Variants in DOCK3 observed in about 807,000 individuals in gnomAD.
DOCK3 encodes the protein dedicator of cytokinesis 3.
A neutral mutation model predicts 265.6 loss-of-function variants in DOCK3; 60 were observed. The observed-to-expected ratio is 0.23, with a 90% CI of 0.18 to 0.28. The LOEUF is 0.28. Among genes scored for constraint, DOCK3 ranks in the 10% least tolerant of loss-of-function variants. DOCK3 has a pLI of 1.00. For synonymous variants in DOCK3, 881 were observed against 938.0 expected (o/e 0.94, Z 1.11); for missense variants, 1,981 against 2,594.3 (o/e 0.76, Z 5.14).
intron 3 of DOCK3, among the ~76,000 whole-genome samples, chr3:50,882,830 C>A (rs937185193): frequency 1.3e-5 from 2 of 152,144 alleles, no homozygotes; most frequent in Non-Finnish European, 2.9e-5. Flanking sequence ...ATGTTTATTG[C>A]AGCACTATTC....
chr3:50,972,657 A>G (rs1188618637), intron 5 of DOCK3, among the ~76,000 whole-genome samples: 1 of 152,208 alleles, frequency 6.6e-6, no homozygotes, highest in East Asian at 1.9e-4. Flanking sequence ...GCCTGCTGCA[A>G]TTCATGTGGG....
At chr3:50,691,757 A>G (rs1395746815) in intron 1 of DOCK3, among the ~76,000 whole-genome samples, 1 of 152,190 alleles carries the variant, frequency 6.6e-6, no homozygotes, top group Non-Finnish European at 1.5e-5. Context: ...AGCCTTTCAA[A>G]TAGATGTGAA....
chr3:50,872,698 T>C (rs530499120), intron 3 of DOCK3, among the ~76,000 whole-genome samples: 1 of 152,308 alleles, frequency 6.6e-6, no homozygotes, highest in South Asian at 2.1e-4. Context: ...TCAAAAACCT[T>C]AGAAGTCTAC....
intron 1 of DOCK3, among the ~76,000 whole-genome samples, chr3:50,755,066 AT>A (rs1478658389): frequency 6.6e-6 from 1 of 152,212 alleles, no homozygotes; most frequent in Non-Finnish European, 1.5e-5. Flanking sequence ...GGCAGTTCTC[AT>A]TCAGAAAAAT....
rs575971147 is a variant in DOCK3, at chr3:51,155,619, G to C, written c.829-3625G>C. 3.9e-5 allele frequency among the ~76,000 whole-genome samples: 6 copies of C among 152,326 alleles called. No homozygotes were observed. In the East Asian group the frequency reaches 1.2e-3, roughly 29 times the overall value. On this transcript the variant is annotated intron_variant, in intron 10 of 52. Transcript: ENST00000266037. ...TTACGAGGTTACTCAGCACACTTCA[G>C]AGCCACATTAAAGTCACATTATTTG...
At chr3:51,157,335 TCCCAGGTTCA>T (rs1384554152) in intron 10 of DOCK3, among the ~76,000 whole-genome samples, 1 of 152,072 alleles carries the variant, frequency 6.6e-6, no homozygotes, top group Non-Finnish European at 1.5e-5. Flanking sequence ...AGCCTCCACC[TCCCAGGTTCA>T]AGCCATTCTC....
intron 5 of DOCK3, among the ~76,000 whole-genome samples, chr3:50,986,180 G>C (rs1286433045): frequency 6.6e-6 from 1 of 152,064 alleles, no homozygotes. Flanking sequence ...AAGAATACAA[G>C]ATAAATGACC....
chr3:51,240,306 G>T (rs1222349539), intron 21 of DOCK3, among the ~76,000 whole-genome samples: 1 of 152,182 alleles, frequency 6.6e-6, no homozygotes, highest in East Asian at 1.9e-4. Context: ...TGTGGTCTGA[G>T]AGAGTATGAT....
chr3:50,814,572 C>G lies in DOCK3; in HGVS notation c.122-27103C>G, dbSNP rs760553083. ...ATGAGCCACCGCACCTGGCCTGGTA[C>G]AATATTATGAACTTAACCATAGATT... is the stretch of plus-strand genomic sequence containing the variant. On this transcript the variant is annotated intron_variant, in intron 2 of 52. Coordinates refer to ENST00000266037, the MANE Select transcript of DOCK3 (RefSeq NM_004947.5). Among the ~76,000 whole-genome samples the G allele has an allele frequency of 2.6e-5, 4 of 152,038 alleles. No homozygotes were observed. In the South Asian group the frequency reaches 8.3e-4, roughly 32 times the overall value.
intron 3 of DOCK3, among the ~76,000 whole-genome samples, chr3:50,866,330 C>T (rs750398453): frequency 2.6e-5 from 4 of 151,936 alleles, no homozygotes; most frequent in Non-Finnish European, 4.4e-5. Flanking sequence ...ACTAAAAATA[C>T]GAAAATTAGC....
At chr3:50,980,630 C>G (rs2077655681) in intron 5 of DOCK3, among the ~76,000 whole-genome samples, 1 of 152,000 alleles carries the variant, frequency 6.6e-6, no homozygotes, top group African/African-American at 2.4e-5. Flanking sequence ...TTGATTCAGT[C>G]TTATTACTTG....
intron 7 of DOCK3, among the ~76,000 whole-genome samples, chr3:51,087,872 T>A (rs914912584): frequency 6.6e-6 from 1 of 152,096 alleles, no homozygotes; most frequent in Non-Finnish European, 1.5e-5. Flanking sequence ...AGAACCACCA[T>A]TTGATCCAGC....
chr3:50,881,402 A>G (rs1198371173), intron 3 of DOCK3: 2 of 152,274 alleles, frequency 1.3e-5, no homozygotes, highest in African/African-American at 4.8e-5. Flanking sequence ...CCTTAAGCTG[A>G]TAAGCAACTT....
At chr3:50,999,474 T>C (rs2078397066) in intron 5 of DOCK3, among the ~76,000 whole-genome samples, 1 of 152,204 alleles carries the variant, frequency 6.6e-6, no homozygotes, top group East Asian at 1.9e-4. Flanking sequence ...CCTTGAAACA[T>C]ACATTCTATG....
At chr3:50,927,594 G>C (rs1472439672) in intron 4 of DOCK3, among the ~76,000 whole-genome samples, 1 of 152,000 alleles carries the variant, frequency 6.6e-6, no homozygotes, top group Non-Finnish European at 1.5e-5. Context: ...GTACTACATG[G>C]GAAATTTTAA....
intron 26 of DOCK3, chr3:51,278,106 C>A: frequency 1.0e-6 from 1 of 985,342 alleles, no homozygotes; most frequent in Non-Finnish European, 1.2e-6. Context: ...TCTAGGAACC[C>A]CCTCATACAG....
intron 9 of DOCK3, among the ~76,000 whole-genome samples, chr3:51,120,973 A>C (rs546304335): frequency 1.3e-5 from 2 of 152,084 alleles, no homozygotes; most frequent in African/African-American, 4.8e-5. Context: ...AGGGGAGTGA[A>C]TGGTTCTGTC....
At chr3:50,740,638 C>T (rs1281930763) in intron 1 of DOCK3, among the ~76,000 whole-genome samples, 2 of 151,912 alleles carry the variant, frequency 1.3e-5, no homozygotes, top group Admixed American at 6.6e-5. Context: ...GCTGTTTTAC[C>T]GTCTTGGAAG....
Position 51,336,863 on chromosome 3 carries a change from T to C in DOCK3, c.3612-1496T>C, listed in dbSNP as rs1337149468. ...AATGTTTCAGATGCTTTATAGAAAA[T>C]ACAAATCACTAAATGCCAAAGTGGC... On this transcript the variant is annotated intron_variant, in intron 35 of 52. Transcript: ENST00000266037. 8.8e-5 allele frequency: 40 copies of C among 455,922 alleles called. 1 individual carries two copies. The East Asian group carries it at 2.6e-3, about 30-fold the overall frequency. 28.2% of individuals were successfully genotyped at this position (455,922 alleles called of 1,614,324 possible).
Sources: gnomAD v4.1 joint callset for allele counts (sites outside exome capture counted in the v4.1 genomes callset) on GRCh38, gnomAD v4.1.1 for gene constraint, MANE v1.5 for transcripts, NCBI Gene and HGNC (gene_info 2026-07-23, HGNC 2026-07-21) for gene names.